Variants in WDFY4 observed in about 807,000 individuals in gnomAD.
The protein encoded by WDFY4 is WDFY family member 4.
WDFY4 carries 169 observed loss-of-function variants against 351.9 expected under a neutral mutation model. That is an observed-to-expected ratio of 0.48 (90% CI 0.42 to 0.55). The LOEUF (loss-of-function observed/expected upper bound fraction) is 0.55. WDFY4 is among the 20% of genes least tolerant of loss of function. The pLI is 0.00. For synonymous variants in WDFY4, 1,622 were observed against 1,574.6 expected (o/e 1.03, Z -0.71); for missense variants, 3,803 against 3,935.6 (o/e 0.97, Z 0.90).
At chr10:48,866,474 A>G (rs561981579) in intron 39 of WDFY4, among the ~76,000 whole-genome samples, 4 of 152,340 alleles carry the variant, frequency 2.6e-5, no homozygotes, top group South Asian at 4.1e-4. Flanking sequence ...TTTTAAATTT[A>G]CTGAAGTTTG....
rs143654313 is a variant in WDFY4 at position 48,883,331 on chromosome 10, G to A, written c.7167+6132G>A. 4.2e-4 allele frequency among the ~76,000 whole-genome samples: 64 copies of A among 152,338 alleles called. No homozygotes were observed. In the South Asian group the frequency reaches 4.8e-3, roughly 11 times the overall value. On this transcript the variant is annotated intron_variant, in intron 43 of 61. Coordinates refer to ENST00000325239, the MANE Select transcript of WDFY4 (RefSeq NM_001394531.1). ...AACTTGAGGCCAAGGAAAGGAGGAT[G>A]GGTGCATTGATTGTTGACCCGTGAA...
Position 48,946,983 on chromosome 10 carries a change from A to T in WDFY4, c.7977+14A>T. On this transcript the variant is annotated intron_variant, in intron 51 of 61. Transcript: ENST00000325239. ...TGCGCTCTGCAGGTGAGCTGCTGCC[A>T]CTCTCTGTACACACACACACACACA... The T allele has an allele frequency of 6.8e-7, 1 of 1,466,078 alleles. No homozygotes were observed. Among genetic ancestry groups the T allele is most frequent in the Non-Finnish European group, 9.2e-7 (1 of 1,085,450 alleles). The allele number at this position is 1,466,078 out of a possible 1,614,324, so 90.8% of individuals were successfully genotyped here.
chr10:48,896,955 G>T (rs192600355), intron 44 of WDFY4, among the ~76,000 whole-genome samples: 1 of 152,074 alleles, frequency 6.6e-6, no homozygotes, highest in South Asian at 2.1e-4. Flanking sequence ...AGACTGTCAC[G>T]CCTGGGCAGA....
intron 47 of WDFY4, among the ~76,000 whole-genome samples, chr10:48,914,860 A>G (rs546664813): frequency 6.6e-6 from 1 of 152,156 alleles, no homozygotes; most frequent in South Asian, 2.1e-4. Context: ...CCCCATCATG[A>G]GCACACAGGG....
At chr10:48,978,503 T>G in intron 60 of WDFY4, 110 bp downstream of exon 60, 1 of 1,042,784 alleles carries the variant, frequency 9.6e-7, no homozygotes, top group Non-Finnish European at 1.3e-6. Context: ...CTGCCCAGCC[T>G]AGGGAGGCCT....
intron 11 of WDFY4, among the ~76,000 whole-genome samples, chr10:48,739,763 G>T (rs1414547145): frequency 6.6e-6 from 1 of 152,162 alleles, no homozygotes; most frequent in Non-Finnish European, 1.5e-5. Flanking sequence ...TCCCTCCCAA[G>T]AGGAGGAAAA....
chr10:48,892,163 T>C (rs1836836282), intron 44 of WDFY4, among the ~76,000 whole-genome samples: 1 of 152,220 alleles, frequency 6.6e-6, no homozygotes, highest in Non-Finnish European at 1.5e-5. Flanking sequence ...TTCTACTCTA[T>C]CCATATGCAC....
chr10:48,795,647 G>A (rs1028815986), intron 23 of WDFY4, among the ~76,000 whole-genome samples: 1 of 151,790 alleles, frequency 6.6e-6, no homozygotes, highest in African/African-American at 2.4e-5. Flanking sequence ...AGGGCGGGCT[G>A]TGTTGGAGCC....
chr10:48,702,504 C>T (rs117365783), intron 1 of WDFY4, among the ~76,000 whole-genome samples: 2,211 of 152,294 alleles, frequency 0.015, 20 homozygotes, highest in Non-Finnish European at 0.024. Context: ...TTGGGGTTGG[C>T]TTCTGTCAGC....
intron 49 of WDFY4, 56 bp from the exon 50 acceptor site, chr10:48,945,984 T>C: frequency 5.0e-6 from 6 of 1,208,310 alleles, no homozygotes; most frequent in Non-Finnish European, 6.9e-6. Context: ...AGAGCGTGGC[T>C]CCTAGGGCAC....
Position 48,943,402 on chromosome 10 carries a change from A to G in WDFY4, c.7702A>G (p.Met2568Val). The G allele has an allele frequency of 6.4e-7, 1 of 1,551,770 alleles. No homozygotes were observed. The highest frequency in any genetic ancestry group is 2.4e-5 in the East Asian group (1 of 40,920). Residue 2568 changes from methionine (M) to valine (V), a missense_variant, in exon 49 of 62, where the codon ATG (methionine) becomes GTG (valine). Transcript: ENST00000325239. ...GGCTGGGAGAACCTGCAATGACTAC[A>G]TGCAGTACCCAGTGTTCCCCTGGGT... is the stretch of plus-strand genomic sequence containing the variant. ...TAAGRTCNDY[M>V]QYPVFPWVLA...
intron 44 of WDFY4, among the ~76,000 whole-genome samples, chr10:48,896,324 A>T (rs1837075242): frequency 1.3e-5 from 2 of 152,104 alleles, no homozygotes; most frequent in Admixed American, 1.3e-4. Context: ...ATGTGGTTTG[A>T]CCTAAGCCAA....
At chr10:48,711,945 T>G (rs1025058777) in intron 2 of WDFY4, among the ~76,000 whole-genome samples, 7 of 152,244 alleles carry the variant, frequency 4.6e-5, no homozygotes, top group African/African-American at 1.4e-4. Context: ...CGGAGCTCAC[T>G]CCAACATCTT....
At chr10:48,752,124 C>A (rs767390305) in intron 12 of WDFY4, among the ~76,000 whole-genome samples, 7 of 152,166 alleles carry the variant, frequency 4.6e-5, no homozygotes, top group Non-Finnish European at 1.0e-4. Flanking sequence ...GGATCCAGAA[C>A]CTTGTCTCCA....
intron 1 of WDFY4, among the ~76,000 whole-genome samples, chr10:48,695,266 T>C (rs978751921): frequency 6.6e-6 from 1 of 152,178 alleles, no homozygotes; most frequent in Non-Finnish European, 1.5e-5. Context: ...TCCCAGCTTG[T>C]TGTGTGAGCT....
intron 39 of WDFY4, among the ~76,000 whole-genome samples, chr10:48,844,802 G>A (rs368811400): frequency 6.6e-6 from 1 of 152,206 alleles, no homozygotes; most frequent in African/African-American, 2.4e-5. Context: ...CAGCTCAGAT[G>A]ACAGTGAGTA....
At chr10:48,715,946 G>T (rs754196835) in intron 2 of WDFY4, among the ~76,000 whole-genome samples, 1 of 152,022 alleles carries the variant, frequency 6.6e-6, no homozygotes, top group South Asian at 2.1e-4. Context: ...ACCGCGCCCG[G>T]CCACCAACAA....
chr10:48,981,765 T>C (rs1471176698), intron 61 of WDFY4, among the ~76,000 whole-genome samples: 1 of 152,256 alleles, frequency 6.6e-6, no homozygotes, highest in African/African-American at 2.4e-5. Flanking sequence ...ATAAGTATAT[T>C]GTTTTGTAAT....
At position 48,982,848 on chromosome 10, in the gene WDFY4, A is replaced by G. The variant is rs1427905963; in HGVS notation, c.*273A>G. ...TGCCCAGCTGCACACGAAATTACAC[A>G]TGACTCACCTTATTAAGGGCTATTG... On this transcript the variant is annotated 3_prime_UTR_variant, in exon 62 of 62. Transcript: ENST00000325239. The G allele has an allele frequency of 1.9e-6, 1 of 517,488 alleles. No individual in the cohort carries two copies. The highest frequency in any genetic ancestry group is 2.0e-5 in the African/African-American group (1 of 51,262). 32.1% of individuals were successfully genotyped at this position (517,488 alleles called of 1,614,324 possible).
Sources: allele counts gnomAD v4.1 joint callset (sites outside exome capture counted in the v4.1 genomes callset), GRCh38; gene constraint gnomAD v4.1.1; transcripts MANE v1.5; gene names NCBI Gene and HGNC (gene_info 2026-07-23, HGNC 2026-07-21).